GRID1: variants seen among roughly 807,000 people sequenced by gnomAD.
The protein encoded by GRID1 is glutamate receptor ionotropic, delta-1.
GRID1 carries 28 observed loss-of-function variants against 98.0 expected under a neutral mutation model. The ratio of observed to expected loss-of-function variants is 0.29; its 90% CI spans 0.21 to 0.39. The LOEUF is 0.39. Among genes scored for constraint, GRID1 ranks in the 10% least tolerant of loss-of-function variants. The probability of loss-of-function intolerance (pLI) is 1.00; values close to 1 mark genes in which losing one functional copy is unlikely to be tolerated. For missense variants in GRID1, 1,111 were observed against 1,340.5 expected, an observed-to-expected ratio of 0.83 and a Z score of 2.67; for synonymous variants, 553 against 538.5, an observed-to-expected ratio of 1.03 and a Z score of -0.37.
At chr10:85,657,026 G>T (rs1384956182) in intron 12 of GRID1, among the ~76,000 whole-genome samples, 1 of 152,080 alleles carries the variant, frequency 6.6e-6, no homozygotes, top group African/African-American at 2.4e-5. Flanking sequence ...CAATACATCT[G>T]CTCTCGCCGT....
At chr10:86,270,284 T>A (rs942980457) in intron 2 of GRID1, among the ~76,000 whole-genome samples, 2 of 152,182 alleles carry the variant, frequency 1.3e-5, no homozygotes, top group Non-Finnish European at 2.9e-5. Flanking sequence ...GATTAAATCA[T>A]TAAATCACTA....
intron 12 of GRID1, among the ~76,000 whole-genome samples, chr10:85,685,277 C>A (rs1387832032): frequency 6.6e-6 from 1 of 152,028 alleles, no homozygotes; most frequent in Non-Finnish European, 1.5e-5. Flanking sequence ...TTTCCATACA[C>A]CAGCTATATA....
At chr10:85,953,858 CCTAATT>C (rs1370969967) in intron 4 of GRID1, among the ~76,000 whole-genome samples, 2 of 152,118 alleles carry the variant, frequency 1.3e-5, no homozygotes, top group African/African-American at 4.8e-5. Flanking sequence ...GCCCTGAGTT[CCTAATT>C]CTTAGTGTGG....
chr10:85,944,600 C>T (rs1173954714), intron 4 of GRID1, among the ~76,000 whole-genome samples: 2 of 151,962 alleles, frequency 1.3e-5, no homozygotes, highest in East Asian at 3.9e-4. Context: ...GGCATATTGG[C>T]TGTATTGGGG....
intron 12 of GRID1, among the ~76,000 whole-genome samples, chr10:85,700,320 A>C (rs1171672967): frequency 6.6e-6 from 1 of 152,186 alleles, no homozygotes; most frequent in Non-Finnish European, 1.5e-5. Flanking sequence ...GTAGTAAGTG[A>C]GAGAGAAAGG....
chr10:85,915,411 GTACA>G (rs1277173910), intron 5 of GRID1, among the ~76,000 whole-genome samples: 1 of 150,934 alleles, frequency 6.6e-6, no homozygotes, highest in Non-Finnish European at 1.5e-5. Context: ...GCACACCCCT[GTACA>G]TACACTCAAC....
chr10:85,718,807 G>A (rs937689126), intron 12 of GRID1, among the ~76,000 whole-genome samples: 3 of 152,176 alleles, frequency 2.0e-5, no homozygotes, highest in South Asian at 2.1e-4. Flanking sequence ...TTTTCCCCAC[G>A]GTCTTGGGGA....
At chr10:86,123,083 G>C (rs1844702074) in intron 4 of GRID1, among the ~76,000 whole-genome samples, 1 of 152,210 alleles carries the variant, frequency 6.6e-6, no homozygotes, top group Admixed American at 6.5e-5. Flanking sequence ...GTCATGTCAT[G>C]ATTTTGGTTC....
At chr10:85,791,458 T>C (rs1429057937) in intron 8 of GRID1, among the ~76,000 whole-genome samples, 1 of 152,076 alleles carries the variant, frequency 6.6e-6, no homozygotes, top group Non-Finnish European at 1.5e-5. Context: ...ACTCACCAAT[T>C]CTCACAGAAG....
At chr10:86,096,192 TG>T (rs921175131) in intron 4 of GRID1, among the ~76,000 whole-genome samples, 1 of 151,684 alleles carries the variant, frequency 6.6e-6, no homozygotes, top group Non-Finnish European at 1.5e-5. Flanking sequence ...CTTGGGGACT[TG>T]GGGGGAAGAG....
At chr10:85,960,183 A>G (rs1842247930) in intron 4 of GRID1, among the ~76,000 whole-genome samples, 1 of 152,222 alleles carries the variant, frequency 6.6e-6, no homozygotes, top group Non-Finnish European at 1.5e-5. Flanking sequence ...TACAGGTGTG[A>G]GCCACCACGC....
At chr10:85,900,227 G>C (rs1192167974) in intron 5 of GRID1, among the ~76,000 whole-genome samples, 2 of 152,220 alleles carry the variant, frequency 1.3e-5, no homozygotes, top group African/African-American at 4.8e-5. Flanking sequence ...AGCCACGTGT[G>C]AATGTGTGTG....
chr10:86,063,996 A>G (rs947985773), intron 4 of GRID1, among the ~76,000 whole-genome samples: 7 of 152,158 alleles, frequency 4.6e-5, no homozygotes, highest in African/African-American at 1.7e-4. Flanking sequence ...CCCCCGATCT[A>G]GAAGAAGAGA....
At chr10:86,305,620 G>A (rs1331261336) in intron 2 of GRID1, among the ~76,000 whole-genome samples, 9 of 152,048 alleles carry the variant, frequency 5.9e-5, no homozygotes, top group Non-Finnish European at 1.0e-4. Flanking sequence ...GACATTTCTC[G>A]GTTTGCCCCC....
rs1031329268 is a variant in GRID1, at chr10:85,613,216, C to T, written c.2601+191G>A. On this transcript the variant is annotated intron_variant, in intron 15 of 15. Coordinates refer to ENST00000327946, the MANE Select transcript of GRID1 (RefSeq NM_017551.3). ...GCACTTTGTTCAAGCATGAAAACAT[C>T]CCCTACATTTCTTCTCTAGTTTTAA... 7 of 631,232 alleles carry T rather than the reference C, an allele frequency of 1.1e-5. No individual in the cohort carries two copies. The East Asian group carries it at 1.7e-4, about 15-fold the overall frequency. 39.1% of individuals were successfully genotyped at this position (631,232 alleles called of 1,614,324 possible).
intron 12 of GRID1, among the ~76,000 whole-genome samples, chr10:85,722,140 C>A (rs1841710409): frequency 6.6e-6 from 1 of 152,096 alleles, no homozygotes; most frequent in Non-Finnish European, 1.5e-5. Flanking sequence ...CTAGTTGAGA[C>A]CCATAGAGGC....
At chr10:86,340,810 C>T (rs532372171) in intron 2 of GRID1, among the ~76,000 whole-genome samples, 2 of 152,258 alleles carry the variant, frequency 1.3e-5, no homozygotes, top group South Asian at 2.1e-4. Context: ...AGGACTGGAG[C>T]GGGAAGCTGC....
chr10:85,883,227 A>T (rs1237551890), intron 5 of GRID1, among the ~76,000 whole-genome samples: 1 of 151,958 alleles, frequency 6.6e-6, no homozygotes, highest in Non-Finnish European at 1.5e-5. Flanking sequence ...AAGATTTTTA[A>T]CTTCAACTGT....
At chr10:85,806,963 C>A (rs1029927101) in intron 8 of GRID1, among the ~76,000 whole-genome samples, 2 of 151,644 alleles carry the variant, frequency 1.3e-5, no homozygotes, top group Non-Finnish European at 2.9e-5. Flanking sequence ...TTAAACTTTA[C>A]AAAATGTAAG....
Sources: allele counts gnomAD v4.1 joint callset (sites outside exome capture counted in the v4.1 genomes callset), GRCh38; gene constraint gnomAD v4.1.1; transcripts MANE v1.5; gene names NCBI Gene and HGNC (gene_info 2026-07-23, HGNC 2026-07-21).